SETBP1: variants seen among roughly 807,000 people sequenced by gnomAD.
SETBP1 encodes the protein SET binding protein 1.
In SETBP1, 9 loss-of-function variants were observed where a neutral mutation model predicts 101.0. That is an observed-to-expected ratio of 0.09 (90% CI 0.05 to 0.16). SETBP1 has a LOEUF of 0.16. Ranked by LOEUF, SETBP1 falls within the 10% of genes least tolerant of loss-of-function variation. SETBP1 has a pLI of 1.00. For synonymous variants in SETBP1, 818 were observed against 788.5 expected (o/e 1.04, Z -0.63); for missense variants, 1,858 against 2,033.8 (o/e 0.91, Z 1.66).
At chr18:44,775,814 C>T (rs2070990291) in intron 2 of SETBP1, among the ~76,000 whole-genome samples, 1 of 151,840 alleles carries the variant, frequency 6.6e-6, no homozygotes, top group Admixed American at 6.6e-5. Context: ...ACCTTAAGGG[C>T]CGTCTCACTC....
At chr18:44,728,535 T>G (rs1384843179) in intron 2 of SETBP1, among the ~76,000 whole-genome samples, 1 of 152,208 alleles carries the variant, frequency 6.6e-6, no homozygotes, top group Non-Finnish European at 1.5e-5. Context: ...ATTGTACTCA[T>G]CATTAAGAAT....
At chr18:45,019,317 C>G (rs182338523) in intron 4 of SETBP1, among the ~76,000 whole-genome samples, 6 of 152,236 alleles carry the variant, frequency 3.9e-5, no homozygotes, top group Non-Finnish European at 1.5e-5. Flanking sequence ...TTGGGGAATA[C>G]AGTCGGGGAA....
chr18:44,768,914 C>CT (rs1199813259), intron 2 of SETBP1, among the ~76,000 whole-genome samples: 1 of 152,244 alleles, frequency 6.6e-6, no homozygotes, highest in East Asian at 1.9e-4. Context: ...CAGATAGACT[C>CT]TTTTGTCTCT....
intron 2 of SETBP1, among the ~76,000 whole-genome samples, chr18:44,834,791 C>A (rs1411048915): frequency 1.3e-5 from 2 of 152,136 alleles, no homozygotes; most frequent in Non-Finnish European, 2.9e-5. Flanking sequence ...AAAAATACAA[C>A]CAGATACCTT....
chr18:44,717,850 TTC>T (rs1414428265), intron 2 of SETBP1, among the ~76,000 whole-genome samples: 2 of 152,208 alleles, frequency 1.3e-5, no homozygotes, highest in African/African-American at 4.8e-5. Context: ...GGTTGAAGTT[TTC>T]TCTGTTTCTT....
intron 3 of SETBP1, among the ~76,000 whole-genome samples, chr18:44,930,365 G>T (rs372854575): frequency 2.0e-5 from 3 of 152,054 alleles, no homozygotes; most frequent in Non-Finnish European, 4.4e-5. Context: ...TTTTTGCATC[G>T]ATGTTCATCA....
At chr18:44,724,139 G>A (rs2069658999) in intron 2 of SETBP1, among the ~76,000 whole-genome samples, 1 of 152,196 alleles carries the variant, frequency 6.6e-6, no homozygotes, top group South Asian at 2.1e-4. Flanking sequence ...ATGGGGAAAT[G>A]ATGAGTCCCA....
At chr18:45,038,691 G>C in intron 5 of SETBP1, 36 bp downstream of exon 5, 1 of 1,611,192 alleles carries the variant, frequency 6.2e-7, no homozygotes, top group Non-Finnish European at 8.5e-7. Flanking sequence ...TTCACCCCAA[G>C]CAAGATGAAT....
At chr18:45,015,746 A>G (rs1398878738) in intron 4 of SETBP1, among the ~76,000 whole-genome samples, 1 of 152,264 alleles carries the variant, frequency 6.6e-6, no homozygotes, top group Non-Finnish European at 1.5e-5. Flanking sequence ...GTCAGTGGCA[A>G]AATTGTGTTA....
At chr18:44,715,786 T>G (rs1357274207) in intron 2 of SETBP1, among the ~76,000 whole-genome samples, 1 of 152,198 alleles carries the variant, frequency 6.6e-6, no homozygotes, top group Admixed American at 6.5e-5. Context: ...ATCCTTTTAT[T>G]CCCTGGCCTC....
In SETBP1 at chr18:44,950,544, A is replaced by G. The variant is rs775695755; in HGVS notation, c.1204A>G (p.Ile402Val). Residue 402 changes from isoleucine to valine, a missense_variant, in exon 4 of 6, where the codon ATT becomes GTT. Ile to Val is a conservative substitution (Grantham distance 29). Transcript: ENST00000649279. ...TGAAAATGACTCAAGTCATGTCCGG[A>G]TTACTATCCCCATCAAGGCACCCTC... ...NPENDSSHVRITIPIKAPSLD... is the reference protein window; with the variant it reads ...NPENDSSHVRVTIPIKAPSLD... 3.8e-5 allele frequency: 61 copies of G among 1,613,962 alleles called. 1 individual carries two copies. The Admixed American group carries it at 9.8e-4, about 26-fold the overall frequency.
Position 44,743,633 on chromosome 18 carries a change from G to C in SETBP1, c.486+41801G>C, listed in dbSNP as rs528615971. Among the ~76,000 whole-genome samples, 8 of 152,300 alleles carry C rather than the reference G, an allele frequency of 5.3e-5. No individual in the cohort carries two copies. The South Asian group carries it at 1.7e-3, about 32-fold the overall frequency. The stretch of plus-strand genomic sequence containing the variant: ...GTTGGTGGATCAATTCCAGGAGAGA[G>C]AGGAAAAAGAAAATAGCTCTGTGGC... On this transcript the variant is annotated intron_variant, in intron 2 of 5. Transcript: ENST00000649279.
At chr18:44,937,738 C>T (rs976968450) in intron 3 of SETBP1, among the ~76,000 whole-genome samples, 1 of 152,120 alleles carries the variant, frequency 6.6e-6, no homozygotes, top group East Asian at 1.9e-4. Context: ...CTTGCAGCCC[C>T]ATCTCAGACT....
chr18:45,022,871 T>A (rs1049736010), intron 4 of SETBP1, among the ~76,000 whole-genome samples: 1 of 152,172 alleles, frequency 6.6e-6, no homozygotes, highest in Non-Finnish European at 1.5e-5. Context: ...CATTTACATG[T>A]TTGCCTCTGG....
At chr18:44,833,576 G>A (rs542640979) in intron 2 of SETBP1, among the ~76,000 whole-genome samples, 10 of 152,316 alleles carry the variant, frequency 6.6e-5, no homozygotes, top group African/African-American at 2.4e-4. Context: ...ATTAATTACG[G>A]CCCAGGAAAC....
intron 2 of SETBP1, among the ~76,000 whole-genome samples, chr18:44,740,751 T>C (rs2144468202): frequency 6.6e-6 from 1 of 152,176 alleles, no homozygotes; most frequent in East Asian, 1.9e-4. Context: ...ATGGAGGGTG[T>C]GTATGTTTGA....
intron 3 of SETBP1, among the ~76,000 whole-genome samples, chr18:44,880,895 G>A (rs543143325): frequency 6.6e-6 from 1 of 152,250 alleles, no homozygotes; most frequent in African/African-American, 2.4e-5. Flanking sequence ...TCTGGGTGGG[G>A]ACAAATATCC....
intron 4 of SETBP1, among the ~76,000 whole-genome samples, chr18:45,011,547 T>C (rs2072838374): frequency 6.6e-6 from 1 of 152,244 alleles, no homozygotes; most frequent in Admixed American, 6.5e-5. Flanking sequence ...CTGAACAGCC[T>C]GCTCAGCATA....
chr18:44,687,574 T>C (rs545549548), intron 1 of SETBP1, among the ~76,000 whole-genome samples: 2 of 152,206 alleles, frequency 1.3e-5, no homozygotes, highest in East Asian at 3.9e-4. Context: ...CTAAGAGTAA[T>C]GTGGAAGGAA....
Sources: gnomAD v4.1 joint callset for allele counts (sites outside exome capture counted in the v4.1 genomes callset) on GRCh38, gnomAD v4.1.1 for gene constraint, MANE v1.5 for transcripts, NCBI Gene and HGNC (gene_info 2026-07-23, HGNC 2026-07-21) for gene names.